Variants in SPATA16 observed in about 807,000 individuals in gnomAD.
SPATA16 encodes spermatogenesis-associated protein 16.
A neutral mutation model predicts 63.3 loss-of-function variants in SPATA16; 36 were observed. That is an observed-to-expected ratio of 0.57 (90% confidence interval 0.44 to 0.75). The LOEUF (loss-of-function observed/expected upper bound fraction) is 0.75. Ranked by LOEUF, SPATA16 falls within the 30% of genes least tolerant of loss-of-function variation. The pLI is 0.00. For synonymous variants in SPATA16, 203 were observed against 216.7 expected (o/e 0.94, Z 0.56); for missense variants, 646 against 679.3 (o/e 0.95, Z 0.54).
chr3:172,997,137 G>A (rs1734711419), intron 4 of SPATA16, among the ~76,000 whole-genome samples: 1 of 152,218 alleles, frequency 6.6e-6, no homozygotes. Flanking sequence ...CAACTCCTTT[G>A]TGTAAATACC....
At chr3:172,920,361 A>G (rs1256023515) in intron 8 of SPATA16, among the ~76,000 whole-genome samples, 1 of 152,236 alleles carries the variant, frequency 6.6e-6, no homozygotes, top group African/African-American at 2.4e-5. Context: ...GTCAGCACCT[A>G]GTTAATGACC....
chr3:172,964,483 C>T (rs1733862931), intron 5 of SPATA16, among the ~76,000 whole-genome samples: 1 of 152,142 alleles, frequency 6.6e-6, no homozygotes. Flanking sequence ...TAAAATGAAT[C>T]ACCAAAAGGT....
intron 10 of SPATA16, among the ~76,000 whole-genome samples, chr3:172,909,373 G>T (rs181646758): frequency 1.3e-5 from 2 of 152,168 alleles, no homozygotes; most frequent in African/African-American, 4.8e-5. Flanking sequence ...AGTGGAATGT[G>T]GTGGGATTTG....
At chr3:173,009,166 A>G (rs1023935285) in intron 4 of SPATA16, among the ~76,000 whole-genome samples, 1 of 152,238 alleles carries the variant, frequency 6.6e-6, no homozygotes, top group African/African-American at 2.4e-5. Context: ...GACTAGAAGC[A>G]GCTAGAGCCT....
At chr3:172,985,829 G>A (rs533661953) in intron 4 of SPATA16, among the ~76,000 whole-genome samples, 7 of 152,228 alleles carry the variant, frequency 4.6e-5, no homozygotes, top group African/African-American at 7.2e-5. Context: ...GGGGGGAAAC[G>A]CTAGAAAATT....
chr3:172,929,487 T>C (rs919194724), intron 6 of SPATA16, among the ~76,000 whole-genome samples: 2 of 152,184 alleles, frequency 1.3e-5, no homozygotes, highest in African/African-American at 4.8e-5. Flanking sequence ...CCTCAAGCTA[T>C]TCTGGCTTCT....
At chr3:172,946,713 C>CA (rs1733297528) in intron 6 of SPATA16, among the ~76,000 whole-genome samples, 1 of 152,170 alleles carries the variant, frequency 6.6e-6, no homozygotes, top group African/African-American at 2.4e-5. Context: ...TTCCCCTCTC[C>CA]AGGCCCTGGC....
intron 2 of SPATA16, among the ~76,000 whole-genome samples, chr3:173,111,702 C>G (rs1193239421): frequency 6.6e-6 from 1 of 152,188 alleles, no homozygotes; most frequent in African/African-American, 2.4e-5. Flanking sequence ...GATATCTTTT[C>G]TACTTCATTA....
At chr3:173,043,984 C>T (rs73044913) in intron 3 of SPATA16, among the ~76,000 whole-genome samples, 3,473 of 151,980 alleles carry the variant, frequency 0.023, 128 homozygotes, top group African/African-American at 0.079. Flanking sequence ...ATCATTGTTC[C>T]TCCTGTGTAA....
At chr3:172,916,197 G>A (rs1460890367) in intron 9 of SPATA16, 120 bp downstream of exon 9, 23 of 1,222,384 alleles carry the variant, frequency 1.9e-5, no homozygotes, top group Non-Finnish European at 2.7e-5. Context: ...GAAGGTTTGG[G>A]AGTTTGCCCT....
chr3:172,938,226 T>G (rs1733056380), intron 6 of SPATA16, among the ~76,000 whole-genome samples: 2 of 152,142 alleles, frequency 1.3e-5, no homozygotes, highest in Admixed American at 1.3e-4. Flanking sequence ...AACATTAGAT[T>G]ATTTAACAAG....
At chr3:173,112,008 TCTTTC>T (rs1307553847) in intron 2 of SPATA16, among the ~76,000 whole-genome samples, 4 of 152,348 alleles carry the variant, frequency 2.6e-5, no homozygotes, top group Middle Eastern at 6.8e-3. Context: ...TTTCTTTTTA[TCTTTC>T]CTTCTAACTT....
intron 2 of SPATA16, among the ~76,000 whole-genome samples, chr3:173,057,115 C>CTTTTTTTTTTT (rs397876631): frequency 7.2e-6 from 1 of 138,186 alleles, no homozygotes. Context: ...CTTTTCTTTT[C>CTTTTTTTTTTT]TTTTTTTTTT....
intron 6 of SPATA16, among the ~76,000 whole-genome samples, chr3:172,939,200 C>T (rs1362401883): frequency 4.6e-5 from 7 of 152,092 alleles, no homozygotes; most frequent in South Asian, 2.1e-4. Context: ...TGCAATACGT[C>T]GGGGAGTTTG....
At chr3:172,970,419 A>G (rs150634394) in intron 5 of SPATA16, among the ~76,000 whole-genome samples, 1,737 of 152,306 alleles carry the variant, frequency 0.011, 25 homozygotes, top group African/African-American at 0.033. Flanking sequence ...TTACAATTCT[A>G]TTCAGAGGTA....
chr3:172,903,950 C>T (rs1370330109), intron 10 of SPATA16, among the ~76,000 whole-genome samples: 4 of 152,182 alleles, frequency 2.6e-5, no homozygotes, highest in African/African-American at 7.2e-5. Flanking sequence ...AGGCAACGTT[C>T]TTTGTGCCAT....
intron 4 of SPATA16, among the ~76,000 whole-genome samples, chr3:172,991,602 G>A (rs902483765): frequency 4.6e-5 from 7 of 152,028 alleles, no homozygotes; most frequent in African/African-American, 1.4e-4. Context: ...TGATTTTTAC[G>A]CTGAAATTGT....
At chr3:173,091,446 G>C (rs780076275) in intron 2 of SPATA16, among the ~76,000 whole-genome samples, 1 of 151,906 alleles carries the variant, frequency 6.6e-6, no homozygotes, top group Non-Finnish European at 1.5e-5. Flanking sequence ...TTCACATCAA[G>C]TTAATATTGG....
chr3:173,059,832 C>CTTTTTTTTTTTTT, intron 2 of SPATA16, among the ~76,000 whole-genome samples: 1 of 71,340 alleles, frequency 1.4e-5, no homozygotes, highest in Non-Finnish European at 2.7e-5. Context: ...CATTTGGTAG[C>CTTTTTTTTTTTTT]TTTTTTTTTT....
Sources: allele counts gnomAD v4.1 joint callset (sites outside exome capture counted in the v4.1 genomes callset), GRCh38; gene constraint gnomAD v4.1.1; transcripts MANE v1.5; gene names NCBI Gene and HGNC (gene_info 2026-07-23, HGNC 2026-07-21).